DHX34: variants seen among roughly 807,000 people sequenced by gnomAD.
DHX34 encodes the protein DExH-box helicase 34, also known as probable ATP-dependent RNA helicase DHX34.
A neutral mutation model predicts 111.1 loss-of-function variants in DHX34; 96 were observed. The ratio of observed to expected loss-of-function variants is 0.86; its 90% CI spans 0.73 to 1.02. The LOEUF (loss-of-function observed/expected upper bound fraction) is 1.02. Ranked by LOEUF, DHX34 falls within the 50% of genes least tolerant of loss-of-function variation. The pLI, the probability that DHX34 is intolerant of heterozygous loss-of-function variation, is 0.00. For missense variants in DHX34, 1,560 were observed against 1,579.9 expected, an observed-to-expected ratio of 0.99 and a Z score of 0.21; for synonymous variants, 688 against 670.4, an observed-to-expected ratio of 1.03 and a Z score of -0.41.
intron 6 of DHX34, 85 bp from the exon 7 acceptor site, chr19:47,366,896 C>A (rs1203333100): frequency 6.7e-5 from 95 of 1,418,368 alleles, no homozygotes; most frequent in Non-Finnish European, 8.5e-5. Context: ...TTTAAAACGT[C>A]ATGAATTTGT....
rs151206428 is a variant in DHX34, at chr19:47,377,067, G to A, written c.2600-33G>A. 1.9e-4 allele frequency: 309 copies of A among 1,613,248 alleles called. No homozygotes were observed. The African/African-American group carries it at 3.8e-3, about 20-fold the overall frequency. ...CTTCTGATGGGCCTGGGTGGGCCAG[G>A]GTGGGCCTGAGCGGTCCTCCTCAAC... On this transcript the variant is annotated intron_variant, in intron 12 of 16. Transcript: ENST00000328771.
chr19:47,371,360 T>A (rs1283347630), intron 7 of DHX34, among the ~76,000 whole-genome samples: 2 of 152,370 alleles, frequency 1.3e-5, no homozygotes, highest in East Asian at 3.9e-4. Context: ...GGGCGTCCTC[T>A]GTGCCAGGTG....
At chr19:47,372,978 T>C in intron 8 of DHX34, 55 bp downstream of exon 8, 1 of 1,509,076 alleles carries the variant, frequency 6.6e-7, no homozygotes, top group South Asian at 1.3e-5. Context: ...GCCAAGGCCT[T>C]CTGTGGCTGT....
At chr19:47,359,351 A>G (rs1351955735) in intron 4 of DHX34, among the ~76,000 whole-genome samples, 2 of 150,978 alleles carry the variant, frequency 1.3e-5, no homozygotes, top group Non-Finnish European at 3.0e-5. Context: ...AATCCCAGCT[A>G]CTTGGGAGGC....
intron 7 of DHX34, among the ~76,000 whole-genome samples, chr19:47,370,659 G>A (rs182503191): frequency 3.7e-5 from 5 of 136,840 alleles, no homozygotes; most frequent in Non-Finnish European, 1.7e-5. Context: ...TAAGAAGATG[G>A]TTCATTTTTG....
chr19:47,355,384 C>A (rs562316901), intron 3 of DHX34, 34 bp downstream of exon 3: 2 of 1,596,988 alleles, frequency 1.3e-6, no homozygotes, highest in Non-Finnish European at 1.7e-6. Context: ...CATCCCCAGA[C>A]CTCCAACCTG....
Position 47,360,669 on chromosome 19 carries a change from TTTG to T in DHX34, c.1375+632_1375+634del, listed in dbSNP as rs58164248. 8.2e-3 allele frequency among the ~76,000 whole-genome samples: 1,223 copies of T among 149,078 alleles called. 21 individuals are homozygous for T. The highest frequency in any genetic ancestry group is 0.081 in the South Asian group (384 of 4,750). On this transcript the variant is annotated intron_variant, in intron 5 of 16. Transcript: ENST00000328771. ...TCATATGAGGGGGATTGACATTCTG[TTTG>T]TTGTTGTTGTTGTTGTTGTTGTTGT...
At chr19:47,377,028 G>C in intron 12 of DHX34, 72 bp from the exon 13 acceptor site, 1 of 1,609,986 alleles carries the variant, frequency 6.2e-7, no homozygotes, top group Non-Finnish European at 8.5e-7. Flanking sequence ...CTTTGACCGG[G>C]TGGGACAGGC....
chr19:47,366,607 C>T (rs991739886), intron 6 of DHX34, among the ~76,000 whole-genome samples: 4 of 148,518 alleles, frequency 2.7e-5, no homozygotes, highest in Non-Finnish European at 3.0e-5. Context: ...GATGGAGTCT[C>T]GGTGTATTGC....
At chr19:47,360,104 C>G in intron 5 of DHX34, 34 bp downstream of exon 5, 3 of 1,607,542 alleles carry the variant, frequency 1.9e-6, no homozygotes, top group Non-Finnish European at 2.6e-6. Flanking sequence ...CCCACCACCC[C>G]CAAGGACTTA....
chr19:47,381,125 G>T (rs1183434744), intron 15 of DHX34, 61 bp from the exon 16 acceptor site: 1 of 1,601,518 alleles, frequency 6.2e-7, no homozygotes, highest in South Asian at 1.1e-5. Flanking sequence ...GTCCCGGGGG[G>T]GCACTTGGGT....
At chr19:47,377,912 G>T (rs1296517119) in intron 13 of DHX34, among the ~76,000 whole-genome samples, 1 of 152,070 alleles carries the variant, frequency 6.6e-6, no homozygotes, top group African/African-American at 2.4e-5. Flanking sequence ...GGCAGCCACT[G>T]CCCTGCCCCT....
chr19:47,362,426 T>G, intron 5 of DHX34, 50 bp from the exon 6 acceptor site: 5 of 1,463,652 alleles, frequency 3.4e-6, no homozygotes, highest in Non-Finnish European at 3.6e-6. Context: ...CGTGGCCAGC[T>G]GCACGTGGCT....
chr19:47,363,817 C>CAA lies in DHX34; in HGVS notation c.1593+1143_1593+1144dup, dbSNP rs34357751. Among the ~76,000 whole-genome samples, 6 of 76,182 alleles carry CAA rather than the reference C, an allele frequency of 7.9e-5. No individual in the cohort carries two copies. The East Asian group carries it at 1.3e-3, about 16-fold the overall frequency. The allele number at this position is 76,182 out of a possible 152,430, so 50.0% of individuals were successfully genotyped here. On this transcript the variant is annotated intron_variant, in intron 6 of 16. Transcript: ENST00000328771. ...TGGGCGATAGAACAAGACTCCATCTCAAAAAAAAAAAAAAAAAAAATGTCC... is the reference window on the plus strand; with the variant it reads ...TGGGCGATAGAACAAGACTCCATCTCAAAAAAAAAAAAAAAAAAAAAATGTCC...
At position 47,357,995 on chromosome 19, in the gene DHX34, G is replaced by C. The variant is rs144919221; in HGVS notation, c.1147G>C (p.Val383Leu). The C allele has an allele frequency of 4.1e-4, 662 of 1,613,756 alleles. No homozygotes were observed. The highest frequency in any genetic ancestry group is 5.3e-4 in the Non-Finnish European group (623 of 1,180,048). The part of the protein sequence containing the change: ...YPPEERGDLL[V>L]FLSGMAEISA... ...GCCTGAGGAGCGGGGTGACCTCCTC[G>C]TCTTCCTCAGCGGCATGGCGGAGAT... Residue 383 changes from valine (V) to leucine (L), a missense_variant, in exon 4 of 17, where the codon GTC (valine) becomes CTC (leucine). By Grantham distance (32) the Val-to-Leu change is conservative. Coordinates refer to ENST00000328771, the MANE Select transcript of DHX34 (RefSeq NM_014681.6).
intron 1 of DHX34, among the ~76,000 whole-genome samples, chr19:47,351,637 G>A (rs112946611): frequency 0.02 from 3,064 of 152,194 alleles, 43 homozygotes; most frequent in Middle Eastern, 0.041. Context: ...AGAGCTCCAG[G>A]CTTATATCAA....
intron 3 of DHX34, among the ~76,000 whole-genome samples, chr19:47,356,577 C>T (rs1969463713): frequency 6.7e-6 from 1 of 149,210 alleles, no homozygotes; most frequent in African/African-American, 2.5e-5. Context: ...TGCAGTGAGC[C>T]AAGATGGCTC....
At chr19:47,376,124 G>C in intron 11 of DHX34, 27 bp downstream of exon 11, 4 of 1,528,452 alleles carry the variant, frequency 2.6e-6, no homozygotes, top group Non-Finnish European at 3.5e-6. Flanking sequence ...CCCATCCTAT[G>C]TTTTGTCCTC....
In DHX34 at chr19:47,382,039, C is replaced by T; in HGVS notation, c.3358C>T (p.His1120Tyr). 6.2e-7 allele frequency: 1 copy of T among 1,614,166 alleles called. No homozygotes were observed. Among genetic ancestry groups the T allele is most frequent in the Non-Finnish European group, 8.5e-7 (1 of 1,180,016 alleles). ...QKTSVLQRPY[H>Y]CEACGKDFLF... Reference sequence around the variant, plus strand: ...GACATCTGTCCTGCAGAGGCCCTACCACTGCGAGGCCTGCGGGAAGGACTT... The same window carrying T: ...GACATCTGTCCTGCAGAGGCCCTACTACTGCGAGGCCTGCGGGAAGGACTT... The change falls in exon 17 of 17, where the codon CAC becomes TAC. Residue 1120 changes from histidine (H) to tyrosine (Y), a missense_variant. Physicochemically the swap from His to Tyr is moderately conservative, Grantham distance 83. Coordinates refer to ENST00000328771, the MANE Select transcript of DHX34 (RefSeq NM_014681.6).
Sources: allele counts gnomAD v4.1 joint callset (sites outside exome capture counted in the v4.1 genomes callset), GRCh38; gene constraint gnomAD v4.1.1; transcripts MANE v1.5; gene names NCBI Gene and HGNC (gene_info 2026-07-23, HGNC 2026-07-21).